Variants in CAMTA1 observed in about 807,000 individuals in gnomAD.
CAMTA1 encodes calmodulin-binding transcription activator 1.
A neutral mutation model predicts 170.9 loss-of-function variants in CAMTA1; 27 were observed. That is an observed-to-expected ratio of 0.16 (90% CI 0.12 to 0.22). CAMTA1 has a LOEUF of 0.22. Ranked by LOEUF, CAMTA1 falls within the 10% of genes least tolerant of loss-of-function variation. CAMTA1 has a pLI of 1.00. For synonymous variants in CAMTA1, 833 were observed against 891.5 expected, an observed-to-expected ratio of 0.93 and a Z score of 1.17; for missense variants, 1,619 against 2,217.2, an observed-to-expected ratio of 0.73 and a Z score of 5.42.
intron 3 of CAMTA1, among the ~76,000 whole-genome samples, chr1:7,002,499 C>T (rs1436162739): frequency 6.6e-6 from 1 of 152,184 alleles, no homozygotes; most frequent in Non-Finnish European, 1.5e-5. Context: ...ATATCAGCAT[C>T]CTTCTCAGTG....
In CAMTA1 at chr1:6,887,753, C is replaced by T. The variant is rs1216855096; in HGVS notation, c.234+62543C>T. 1.5e-5 allele frequency: 23 copies of T among 1,534,660 alleles called. No homozygotes were observed. Among genetic ancestry groups the T allele is most frequent in the South Asian group, 3.6e-5 (3 of 83,956 alleles). On this transcript the variant is annotated intron_variant, in intron 3 of 22. Transcript: ENST00000303635. The surrounding 1 kb of genome is among the most constrained non-coding windows in gnomAD (Gnocchi z 4.1). ...CATTGGAATGAAAGCTGGCAGAATT[C>T]GTAGGGAGAGCTTTCCCATCCTGCC...
chr1:6,872,443 G>A (rs576741799), intron 3 of CAMTA1, among the ~76,000 whole-genome samples: 7 of 152,184 alleles, frequency 4.6e-5, no homozygotes, highest in Non-Finnish European at 7.4e-5. Flanking sequence ...AAAATACAAA[G>A]TTGCCTCATT....
intron 5 of CAMTA1, among the ~76,000 whole-genome samples, chr1:7,449,204 C>T (rs1015322775): frequency 2.6e-5 from 4 of 152,214 alleles, no homozygotes; most frequent in East Asian, 1.9e-4. Flanking sequence ...GCTGATAAAG[C>T]GAGGAGATGT....
intron 5 of CAMTA1, among the ~76,000 whole-genome samples, chr1:7,277,434 T>G (rs1474649105): frequency 1.3e-5 from 2 of 151,092 alleles, no homozygotes; most frequent in Non-Finnish European, 2.9e-5. Context: ...ACTAGAGAAC[T>G]AAATTAATCT....
intron 6 of CAMTA1, among the ~76,000 whole-genome samples, chr1:7,476,637 C>G (rs995287777): frequency 4.9e-4 from 74 of 152,150 alleles, no homozygotes; most frequent in African/African-American, 1.7e-3. Context: ...CGGTGCCAGC[C>G]AGGTGATCTG....
intron 5 of CAMTA1, among the ~76,000 whole-genome samples, chr1:7,367,203 A>G (rs1289125397): frequency 1.3e-5 from 2 of 152,184 alleles, no homozygotes; most frequent in African/African-American, 4.8e-5. Context: ...GTGTCATATC[A>G]GCATTCATGG....
intron 5 of CAMTA1, among the ~76,000 whole-genome samples, chr1:7,355,688 G>A (rs894108791): frequency 1.3e-5 from 2 of 152,206 alleles, no homozygotes; most frequent in Non-Finnish European, 2.9e-5. Context: ...ATGCTCCAGT[G>A]GCTTCTATTG....
chr1:6,960,545 C>A (rs1010584502), intron 3 of CAMTA1, among the ~76,000 whole-genome samples: 1 of 152,142 alleles, frequency 6.6e-6, no homozygotes, highest in Admixed American at 6.5e-5. Flanking sequence ...GTCACCTCCT[C>A]GGCAAAGACT....
At chr1:6,841,908 C>T (rs577837655) in intron 3 of CAMTA1, among the ~76,000 whole-genome samples, 82 of 152,274 alleles carry the variant, frequency 5.4e-4, no homozygotes, top group African/African-American at 1.9e-3. Flanking sequence ...CTACAGGGCC[C>T]GCAAGCCCAC....
At chr1:7,646,923 G>A (rs976372292) in intron 7 of CAMTA1, among the ~76,000 whole-genome samples, 15 of 152,194 alleles carry the variant, frequency 9.9e-5, no homozygotes, top group Admixed American at 9.8e-4. Context: ...TGGTTTTCCA[G>A]GGGCCAGGGT....
intron 9 of CAMTA1, among the ~76,000 whole-genome samples, chr1:7,667,576 G>A (rs1462291847): frequency 6.6e-6 from 1 of 152,088 alleles, no homozygotes; most frequent in African/African-American, 2.4e-5. Context: ...CTCTTTTCCC[G>A]AGGTCCTGGC....
At chr1:7,179,444 A>G (rs1651644877) in intron 4 of CAMTA1, among the ~76,000 whole-genome samples, 1 of 152,226 alleles carries the variant, frequency 6.6e-6, no homozygotes, top group African/African-American at 2.4e-5. Flanking sequence ...CCACAATAAT[A>G]TAGAATATAC....
intron 5 of CAMTA1, among the ~76,000 whole-genome samples, chr1:7,440,297 G>A (rs1457072718): frequency 3.9e-5 from 6 of 152,214 alleles, no homozygotes; most frequent in Non-Finnish European, 7.3e-5. Context: ...CGGGAGCCCC[G>A]ACCTCTTCCC....
intron 10 of CAMTA1, among the ~76,000 whole-genome samples, chr1:7,671,505 C>A (rs1183554059): frequency 6.6e-6 from 1 of 152,208 alleles, no homozygotes; most frequent in East Asian, 1.9e-4. Flanking sequence ...CACACACAGG[C>A]TCCATCCTCC....
At chr1:6,932,064 C>T (rs1386218089) in intron 3 of CAMTA1, among the ~76,000 whole-genome samples, 1 of 152,162 alleles carries the variant, frequency 6.6e-6, no homozygotes, top group East Asian at 1.9e-4. Flanking sequence ...TAATAAATTA[C>T]ACATATTTAA....
Position 7,634,966 on chromosome 1 carries a change from C to A in CAMTA1, c.511-5434C>A, listed in dbSNP as rs114480968. Reference sequence around the variant, plus strand: ...CACCAAGAGGGAGGAGGGATCCCCTCGTCCACGGCTCTTCCAGAAGGCTGT... The same window carrying A: ...CACCAAGAGGGAGGAGGGATCCCCTAGTCCACGGCTCTTCCAGAAGGCTGT... On this transcript the variant is annotated intron_variant, in intron 6 of 22. Transcript: ENST00000303635. The surrounding 1 kb of genome is among the most constrained non-coding windows in gnomAD (Gnocchi z 6.2). 6.6e-6 allele frequency among the ~76,000 whole-genome samples: 1 copy of A among 152,278 alleles called. No individual in the cohort carries two copies. Among genetic ancestry groups the A allele is most frequent in the South Asian group, 2.1e-4 (1 of 4,826 alleles).
intron 6 of CAMTA1, among the ~76,000 whole-genome samples, chr1:7,535,328 C>T (rs1297404158): frequency 1.4e-5 from 2 of 147,342 alleles, no homozygotes; most frequent in Non-Finnish European, 3.0e-5. Flanking sequence ...GCTGCAGTGC[C>T]CAGGGAGTGC....
intron 6 of CAMTA1, among the ~76,000 whole-genome samples, chr1:7,492,639 A>G (rs1284392543): frequency 6.9e-6 from 1 of 145,878 alleles, no homozygotes; most frequent in East Asian, 2.1e-4. Flanking sequence ...GCACACAAAC[A>G]CATACAATCA....
At chr1:7,005,790 G>A (rs1254138842) in intron 3 of CAMTA1, among the ~76,000 whole-genome samples, 2 of 152,246 alleles carry the variant, frequency 1.3e-5, no homozygotes, top group African/African-American at 2.4e-5. Flanking sequence ...GGGAAAAGTT[G>A]TTTCTGGCTA....
Sources: gnomAD v4.1 joint callset for allele counts (sites outside exome capture counted in the v4.1 genomes callset) on GRCh38, gnomAD v4.1.1 for gene constraint, Gnocchi (gnomAD v3.1) non-coding constraint, MANE v1.5 for transcripts, NCBI Gene and HGNC (gene_info 2026-07-23, HGNC 2026-07-21) for gene names.